Variants in FGD2 observed in about 807,000 individuals in gnomAD.
FGD2 encodes FYVE, RhoGEF and PH domain-containing protein 2.
Under a neutral mutation model 75.9 loss-of-function variants are expected in FGD2, and 52 were observed. The observed-to-expected ratio is 0.69, with a 90% CI of 0.55 to 0.86. FGD2 has a LOEUF of 0.86. FGD2 is among the 40% of genes least tolerant of loss of function. FGD2 has a pLI of 0.00. For synonymous variants in FGD2, 347 were observed against 348.6 expected (o/e 1.00, Z 0.05); for missense variants, 790 against 872.0 (o/e 0.91, Z 1.18).
At chr6:37,014,518 C>A in intron 6 of FGD2, 128 bp from the exon 7 acceptor site, 1 of 1,064,700 alleles carries the variant, frequency 9.4e-7, no homozygotes, top group Non-Finnish European at 1.3e-6. Flanking sequence ...CTGGGCTGCA[C>A]AGGCAGGGCT....
chr6:37,005,742 C>A lies in FGD2; in HGVS notation c.-76C>A, dbSNP rs747165294. On this transcript the variant is annotated 5_prime_UTR_variant, in exon 1 of 16. Transcript: ENST00000274963. ...ATTTAGCCTATCTGTCCCAGGCCAG[C>A]GTGGCTGAGTGTGCTGGCTGGAGGC... 1.7e-5 allele frequency: 26 copies of A among 1,495,024 alleles called. No individual in the cohort carries two copies. In the South Asian group the frequency reaches 2.9e-4, roughly 17 times the overall value. The allele number at this position is 1,495,024 out of a possible 1,614,324, so 92.6% of individuals were successfully genotyped here.
chr6:37,013,001 CGTGTATATATAT>C (rs1765094660), intron 4 of FGD2: 1 of 148,222 alleles, frequency 6.7e-6, no homozygotes, highest in Non-Finnish European at 1.5e-5. Context: ...CATATATATA[CGTGTATATATAT>C]GTATATATAT....
chr6:37,026,259 C>A, intron 14 of FGD2: 5 of 985,470 alleles, frequency 5.1e-6, no homozygotes, highest in Non-Finnish European at 6.0e-6. Context: ...CCTGCCCCGA[C>A]AGTCCCAGGG....
intron 14 of FGD2, 40 bp from the exon 15 acceptor site, chr6:37,027,389 G>T: frequency 6.4e-7 from 1 of 1,572,174 alleles, no homozygotes; most frequent in Non-Finnish European, 8.7e-7. Flanking sequence ...TGGCACTTGC[G>T]GCTGCTCTGC....
Position 37,015,752 on chromosome 6 carries a change from CCTGTGT to C in FGD2, c.1030-13_1030-8del. 6.4e-7 allele frequency: 1 copy of C among 1,572,164 alleles called. No homozygotes were observed. Among genetic ancestry groups the C allele is most frequent in the Non-Finnish European group, 8.6e-7 (1 of 1,158,704 alleles). On this transcript the variant is annotated splice_polypyrimidine_tract_variant and intron_variant, in intron 8 of 15. Coordinates refer to ENST00000274963, the MANE Select transcript of FGD2 (RefSeq NM_173558.4). ...CTGCCCCTGCCACGGGCCACTCACG[CCTGTGT>C]CTCCTGCAGTTCAACAACATGCTGC... is the stretch of plus-strand genomic sequence containing the variant.
At chr6:37,023,519 G>A (rs942762664) in intron 13 of FGD2, 3 of 152,184 alleles carry the variant, frequency 2.0e-5, no homozygotes, top group African/African-American at 7.2e-5. Context: ...GCTGTTCTCT[G>A]TTGACATCAC....
chr6:37,026,424 A>G, intron 14 of FGD2: 1 of 982,474 alleles, frequency 1.0e-6, no homozygotes, highest in South Asian at 4.7e-5. Context: ...GACTTGCCCA[A>G]GATCACACAG....
intron 3 of FGD2, chr6:37,011,313 C>T (rs528887243): frequency 2.1e-5 from 12 of 574,012 alleles, no homozygotes; most frequent in Middle Eastern, 4.6e-4. Context: ...CTGGCCTACA[C>T]GGTATCTTCA....
Position 37,025,914 on chromosome 6 carries a change from G to A in FGD2, c.1581G>A (p.Glu527=), listed in dbSNP as rs1207286167. 6.2e-7 allele frequency: 1 copy of A among 1,614,194 alleles called. No individual in the cohort carries two copies. The highest frequency in any genetic ancestry group is 2.2e-5 in the East Asian group (1 of 44,874). The change falls in exon 14 of 16, where the codon GAG becomes GAA. Residue 527 remains glutamate (E), a synonymous_variant. Transcript: ENST00000274963. Reference sequence around the variant, plus strand: ...GAAATGTGCTGCCTGAGGCCAAGGAGGACAAGAGGCGGGGCATCCTGGAGG... The same window carrying A: ...GAAATGTGCTGCCTGAGGCCAAGGAAGACAAGAGGCGGGGCATCCTGGAGG... ...LTGNVLPEAK[E]DKRRGILEKG...
chr6:37,013,736 C>T lies in FGD2; in HGVS notation c.655C>T (p.Leu219Phe). ...GGCCACCTGGACCGACAAGTCTCCA[C>T]TCTTCCAGGAGGTTCTCACTCGCAT... ...LLATWTDKSP[L>F]FQEVLTRIQS... Residue 219 changes from leucine to phenylalanine, a missense_variant, in exon 5 of 16, where the codon CTC becomes TTC. Transcript: ENST00000274963. 2 of 1,614,086 alleles carry T rather than the reference C, an allele frequency of 1.2e-6. No homozygotes were observed. The highest frequency in any genetic ancestry group is 1.7e-6 in the Non-Finnish European group (2 of 1,179,974).
chr6:37,014,703 T>C lies in FGD2; in HGVS notation c.881T>C (p.Met294Thr), dbSNP rs554359469. The part of the protein sequence containing the change: ...AQHSNAAITE[M>T]ERLQDLWEVY... ...CACTCCAATGCAGCCATCACTGAGATGGTAAGCAGCCCGCCCTCTCCTGGA... is the reference window on the plus strand; with the variant it reads ...CACTCCAATGCAGCCATCACTGAGACGGTAAGCAGCCCGCCCTCTCCTGGA... Residue 294 changes from methionine (M) to threonine (T), a missense_variant and splice_region_variant, in exon 7 of 16, where the codon ATG (methionine) becomes ACG (threonine). Met to Thr is a moderately conservative substitution (Grantham distance 81, BLOSUM62 -1). Transcript: ENST00000274963. The C allele has an allele frequency of 2.5e-5, 41 of 1,614,014 alleles. No homozygotes were observed. The highest frequency in any genetic ancestry group is 5.5e-5 in the South Asian group (5 of 91,084).
intron 14 of FGD2, 77 bp from the exon 15 acceptor site, chr6:37,027,352 T>C: frequency 1.3e-6 from 2 of 1,516,422 alleles, no homozygotes; most frequent in East Asian, 2.3e-5. Flanking sequence ...TTGGAGATAG[T>C]GATTGTCAAG....
In FGD2 at chr6:37,014,969, G is replaced by C. The variant is rs765155101; in HGVS notation, c.960G>C (p.Leu320=). 6.2e-7 allele frequency: 1 copy of C among 1,614,136 alleles called. No homozygotes were observed. Among genetic ancestry groups the C allele is most frequent in the South Asian group, 1.1e-5 (1 of 91,080 alleles). Residue 320 remains leucine (L), a synonymous_variant, in exon 8 of 16, where the codon CTG becomes CTC. Transcript: ENST00000274963. ...EDDIVDPSNT[L]LREGPVLKIS... is the part of the protein sequence containing the mutation. ...ACATAGTAGACCCCTCTAACACCCT[G>C]CTCCGTGAGGGCCCGGTCCTCAAGA...
In FGD2 at chr6:37,014,905, A is replaced by G. The variant is rs556232556; in HGVS notation, c.896A>G (p.Asp299Gly). Residue 299 changes from aspartate (D) to glycine (G), a missense_variant, in exon 8 of 16, where the codon GAC (aspartate) becomes GGC (glycine). Asp to Gly is a moderately conservative substitution (Grantham distance 94). Coordinates refer to ENST00000274963, the MANE Select transcript of FGD2 (RefSeq NM_173558.4). Reference protein sequence around the residue: ...AAITEMERLQDLWEVYQRLGL... With the variant: ...AAITEMERLQGLWEVYQRLGL... ...CCAACCCCCTAGGAGCGGCTGCAGG[A>G]CCTGTGGGAGGTGTACCAGCGCCTG... The G allele has an allele frequency of 6.2e-7, 1 of 1,613,896 alleles. No homozygotes were observed. Among genetic ancestry groups the G allele is most frequent in the South Asian group, 1.1e-5 (1 of 91,076 alleles).
At chr6:37,015,473 C>T (rs766151572) in intron 8 of FGD2, among the ~76,000 whole-genome samples, 5 of 152,324 alleles carry the variant, frequency 3.3e-5, no homozygotes, top group Non-Finnish European at 5.9e-5. Flanking sequence ...CTCTTGTAAA[C>T]CCCTGCCATC....
At chr6:37,026,004 T>G in intron 14 of FGD2, 66 bp downstream of exon 14, 1 of 1,584,050 alleles carries the variant, frequency 6.3e-7, no homozygotes, top group East Asian at 2.3e-5. Flanking sequence ...CCGGCAACCA[T>G]GCTGGGCTGA....
chr6:37,016,940 C>A (rs912852213), intron 9 of FGD2, among the ~76,000 whole-genome samples: 8 of 152,146 alleles, frequency 5.3e-5, no homozygotes, highest in Admixed American at 1.3e-4. Context: ...ATGAAAGTCT[C>A]CGCCCGACTC....
rs2150770486 is a variant in FGD2 at position 37,012,005 on chromosome 6, A to C, written c.527+151A>C. The C allele has an allele frequency of 6.2e-6, 5 of 800,294 alleles. No individual in the cohort carries two copies. The East Asian group carries it at 1.4e-4, about 23-fold the overall frequency. The allele number at this position is 800,294 out of a possible 1,614,324, so 49.6% of individuals were successfully genotyped here. A position where few individuals can be genotyped will look rare whatever the true frequency, so the allele number is the denominator to read the frequency against. The stretch of plus-strand genomic sequence containing the variant: ...GGGGCTCGGTCTGTCTGCACAGTGA[A>C]GGGCTTGGGTGAATGAGCTCTGAGA... On this transcript the variant is annotated intron_variant, in intron 4 of 15. Transcript: ENST00000274963.
Position 37,028,559 on chromosome 6 carries a change from C to T in FGD2, c.*396C>T, listed in dbSNP as rs913298389. Reference sequence around the variant, plus strand: ...ATTTTAAAAATGTAAAAAACAATGCCTGTACTGAAGTACCACCACCGATTT... The same window carrying T: ...ATTTTAAAAATGTAAAAAACAATGCTTGTACTGAAGTACCACCACCGATTT... On this transcript the variant is annotated 3_prime_UTR_variant, in exon 16 of 16. Coordinates refer to ENST00000274963, the MANE Select transcript of FGD2 (RefSeq NM_173558.4). The T allele has an allele frequency of 2.4e-5, 4 of 166,862 alleles. No homozygotes were observed. Among genetic ancestry groups the T allele is most frequent in the South Asian group, 3.9e-4 (2 of 5,124 alleles). 10.3% of individuals were successfully genotyped at this position (166,862 alleles called of 1,614,324 possible).
Sources: gnomAD v4.1 joint callset for allele counts (sites outside exome capture counted in the v4.1 genomes callset) on GRCh38, gnomAD v4.1.1 for gene constraint, MANE v1.5 for transcripts, NCBI Gene and HGNC (gene_info 2026-07-23, HGNC 2026-07-21) for gene names.